CNTNAP2: variants seen among roughly 807,000 people sequenced by gnomAD.
CNTNAP2 encodes contactin-associated protein-like 2.
CNTNAP2 carries 98 observed loss-of-function variants against 155.2 expected under a neutral mutation model. The observed-to-expected ratio is 0.63, with a 90% CI of 0.54 to 0.75. The LOEUF (loss-of-function observed/expected upper bound fraction) is 0.75. CNTNAP2 is among the 30% of genes least tolerant of loss of function. The pLI, the probability that CNTNAP2 is intolerant of heterozygous loss-of-function variation, is 0.00. For missense variants in CNTNAP2, 1,727 were observed against 1,688.1 expected (o/e 1.02, Z -0.40); for synonymous variants, 651 against 631.2 (o/e 1.03, Z -0.47).
chr7:147,334,421 G>A (rs1474802458), intron 9 of CNTNAP2, among the ~76,000 whole-genome samples: 1 of 152,100 alleles, frequency 6.6e-6, no homozygotes, highest in Non-Finnish European at 1.5e-5. Context: ...TTATTTCTTA[G>A]GGAAGCATTC....
At chr7:147,071,939 T>A (rs1438589971) in intron 4 of CNTNAP2, among the ~76,000 whole-genome samples, 1 of 152,154 alleles carries the variant, frequency 6.6e-6, no homozygotes, top group Non-Finnish European at 1.5e-5. Flanking sequence ...CAGGGTATCA[T>A]GATGAAAATA....
At chr7:148,297,365 CT>C (rs1337885985) in intron 21 of CNTNAP2, among the ~76,000 whole-genome samples, 1 of 152,204 alleles carries the variant, frequency 6.6e-6, no homozygotes, top group East Asian at 1.9e-4. Flanking sequence ...CCATCCAAGA[CT>C]GTAGGGCTCA....
chr7:147,378,135 A>C (rs1349612673), intron 9 of CNTNAP2: 2 of 334,792 alleles, frequency 6.0e-6, no homozygotes, highest in African/African-American at 4.5e-5. Context: ...TTTATACTGT[A>C]TATTGTAGAA....
At chr7:146,692,578 AAG>A (rs1340080528) in intron 1 of CNTNAP2, among the ~76,000 whole-genome samples, 1 of 152,200 alleles carries the variant, frequency 6.6e-6, no homozygotes, top group East Asian at 1.9e-4. Context: ...GTGGTTAACA[AAG>A]AATTAAAATA....
rs1454771359 is a variant in CNTNAP2 at position 148,062,024 on chromosome 7, AGAGAGTGT to A, written c.2384-56092_2384-56085del. ...ATAGATAGATGATAGAGAGAGAGAG[AGAGAGTGT>A]GTGTGTGTGTGTGTGTGTGTGTGTG... On this transcript the variant is annotated intron_variant, in intron 15 of 23. Transcript: ENST00000361727. Among the ~76,000 whole-genome samples the A allele has an allele frequency of 8.0e-5, 11 of 136,660 alleles. 1 individual carries two copies. Among genetic ancestry groups the A allele is most frequent in the Admixed American group, 2.3e-4 (3 of 13,280 alleles). 89.7% of individuals were successfully genotyped at this position (136,660 alleles called of 152,430 possible). A position where few individuals can be genotyped will look rare whatever the true frequency, so the allele number is the denominator to read the frequency against.
intron 18 of CNTNAP2, among the ~76,000 whole-genome samples, chr7:148,173,359 G>A (rs1471376225): frequency 6.6e-6 from 1 of 152,088 alleles, no homozygotes; most frequent in Non-Finnish European, 1.5e-5. Flanking sequence ...TATAGCATAT[G>A]GGTAAAGTTT....
chr7:146,622,182 C>T (rs1318645189), intron 1 of CNTNAP2, among the ~76,000 whole-genome samples: 2 of 149,760 alleles, frequency 1.3e-5, no homozygotes, highest in African/African-American at 5.0e-5. Context: ...TATATATATA[C>T]ACATATATAC....
intron 13 of CNTNAP2, among the ~76,000 whole-genome samples, chr7:147,902,159 G>A (rs80204985): frequency 0.033 from 4,985 of 152,248 alleles, 132 homozygotes; most frequent in Non-Finnish European, 0.053. Flanking sequence ...TTACTAAATA[G>A]ACTCCTAAAT....
intron 9 of CNTNAP2, among the ~76,000 whole-genome samples, chr7:147,368,378 G>T (rs919171998): frequency 3.3e-5 from 5 of 152,030 alleles, no homozygotes; most frequent in Non-Finnish European, 5.9e-5. Flanking sequence ...GTTGGGTTTG[G>T]TTTTCTGTCT....
At chr7:148,318,077 C>G (rs1007574210) in intron 21 of CNTNAP2, among the ~76,000 whole-genome samples, 4 of 152,212 alleles carry the variant, frequency 2.6e-5, no homozygotes, top group African/African-American at 9.7e-5. Context: ...AAGTCTCATT[C>G]AGACCCTTCT....
intron 11 of CNTNAP2, among the ~76,000 whole-genome samples, chr7:147,551,931 T>C (rs540236950): frequency 1.7e-4 from 26 of 152,328 alleles, no homozygotes; most frequent in South Asian, 2.1e-4. Flanking sequence ...CAGATTATTA[T>C]GGCCTTTTGA....
intron 18 of CNTNAP2, among the ~76,000 whole-genome samples, chr7:148,206,380 T>C (rs1299641263): frequency 6.6e-6 from 1 of 151,500 alleles, no homozygotes; most frequent in Admixed American, 6.6e-5. Flanking sequence ...AAAACAAATA[T>C]AGTGAAATGT....
intron 21 of CNTNAP2, among the ~76,000 whole-genome samples, chr7:148,362,205 A>ACAC (rs1399222868): frequency 1.5e-5 from 1 of 66,764 alleles, no homozygotes; most frequent in Non-Finnish European, 4.2e-5. Flanking sequence ...ATCTAAAAAA[A>ACAC]AAAACAAAAA....
intron 12 of CNTNAP2, among the ~76,000 whole-genome samples, chr7:147,590,037 G>T (rs1415408735): frequency 6.6e-6 from 1 of 152,100 alleles, no homozygotes; most frequent in African/African-American, 2.4e-5. Context: ...GTAGGTAAAA[G>T]TAGCCACAGG....
chr7:146,196,559 G>A (rs1175573288), intron 1 of CNTNAP2, among the ~76,000 whole-genome samples: 2 of 151,612 alleles, frequency 1.3e-5, no homozygotes, highest in African/African-American at 4.8e-5. Flanking sequence ...AAAGGAGGGA[G>A]GGAGGGAGAG....
At chr7:146,469,344 C>T (rs998049707) in intron 1 of CNTNAP2, among the ~76,000 whole-genome samples, 1 of 151,646 alleles carries the variant, frequency 6.6e-6, no homozygotes, top group African/African-American at 2.4e-5. Flanking sequence ...GAGACTGCTC[C>T]CCAAAGAAGA....
chr7:147,894,382 A>T (rs1374091500), intron 13 of CNTNAP2, among the ~76,000 whole-genome samples: 1 of 152,162 alleles, frequency 6.6e-6, no homozygotes, highest in Non-Finnish European at 1.5e-5. Context: ...CTTAGAAAAA[A>T]TCCTGCACTG....
At chr7:147,481,861 C>G (rs530309629) in intron 10 of CNTNAP2, among the ~76,000 whole-genome samples, 1 of 152,166 alleles carries the variant, frequency 6.6e-6, no homozygotes, top group African/African-American at 2.4e-5. Context: ...CAAGCTAGGA[C>G]TTGCCATGAA....
intron 8 of CNTNAP2, among the ~76,000 whole-genome samples, chr7:147,166,387 C>T (rs749615931): frequency 1.2e-4 from 18 of 151,914 alleles, no homozygotes; most frequent in Non-Finnish European, 1.8e-4. Context: ...TTGGGGACTC[C>T]GGAGGAAGGA....
Sources: allele counts gnomAD v4.1 joint callset (sites outside exome capture counted in the v4.1 genomes callset), GRCh38; gene constraint gnomAD v4.1.1; transcripts MANE v1.5; gene names NCBI Gene and HGNC (gene_info 2026-07-23, HGNC 2026-07-21).